Variants in FBN2 observed in about 807,000 individuals in gnomAD.
FBN2 encodes the protein fibrillin-2.
A neutral mutation model predicts 355.6 loss-of-function variants in FBN2; 105 were observed. The ratio of observed to expected loss-of-function variants is 0.30; its 90% CI spans 0.25 to 0.35. The LOEUF (loss-of-function observed/expected upper bound fraction) is 0.35. FBN2 is among the 10% of genes least tolerant of loss of function. The probability of loss-of-function intolerance (pLI) is 1.00; values close to 1 mark genes in which losing one functional copy is unlikely to be tolerated. For synonymous variants in FBN2, 1,350 were observed against 1,301.2 expected (o/e 1.04, Z -0.81); for missense variants, 3,280 against 3,758.7 (o/e 0.87, Z 3.33).
intron 7 of FBN2, among the ~76,000 whole-genome samples, chr5:128,411,535 G>A (rs909569855): frequency 3.3e-5 from 5 of 152,164 alleles, no homozygotes; most frequent in African/African-American, 1.2e-4. Context: ...CTCTCCAACC[G>A]TAGTCTCTGA....
intron 5 of FBN2, among the ~76,000 whole-genome samples, chr5:128,467,198 A>C (rs753548034): frequency 1.3e-5 from 2 of 152,148 alleles, no homozygotes; most frequent in Non-Finnish European, 2.9e-5. Context: ...GAGAAGGGGA[A>C]TATCTGGACA....
At chr5:128,392,330 G>C (rs932203462) in intron 10 of FBN2, among the ~76,000 whole-genome samples, 175 bp from the exon 11 acceptor site, 11 of 152,086 alleles carry the variant, frequency 7.2e-5, no homozygotes, top group African/African-American at 2.7e-4. Context: ...TGAGACACAT[G>C]GTTGCAACTT....
intron 6 of FBN2, among the ~76,000 whole-genome samples, chr5:128,454,808 T>A (rs1754340926): frequency 6.6e-6 from 1 of 152,174 alleles, no homozygotes; most frequent in Non-Finnish European, 1.5e-5. Flanking sequence ...AGGGCCTGTG[T>A]CAAATATGTG....
chr5:128,317,818 G>T (rs903487771), intron 36 of FBN2, among the ~76,000 whole-genome samples: 1 of 152,138 alleles, frequency 6.6e-6, no homozygotes, highest in Non-Finnish European at 1.5e-5. Context: ...AGGAGAAATA[G>T]ATATTCTAAC....
intron 16 of FBN2, among the ~76,000 whole-genome samples, chr5:128,368,052 G>A (rs1269723282): frequency 6.6e-6 from 1 of 151,472 alleles, no homozygotes; most frequent in East Asian, 1.9e-4. Flanking sequence ...CAAACTAAAC[G>A]TGCCCCTTCT....
intron 8 of FBN2, among the ~76,000 whole-genome samples, chr5:128,398,766 G>T (rs1752716146): frequency 6.6e-6 from 1 of 152,166 alleles, no homozygotes; most frequent in Admixed American, 6.5e-5. Flanking sequence ...TTGTGGGAGG[G>T]ACCTGGTGGG....
At chr5:128,300,342 A>G (rs1749678019) in intron 48 of FBN2, among the ~76,000 whole-genome samples, 1 of 152,222 alleles carries the variant, frequency 6.6e-6, no homozygotes, top group South Asian at 2.1e-4. Context: ...AAGGGTTTCA[A>G]CAGAAAAACA....
intron 44 of FBN2, 60 bp downstream of exon 44, chr5:128,305,451 G>T (rs1052275004): frequency 1.4e-5 from 22 of 1,593,016 alleles, no homozygotes; most frequent in Non-Finnish European, 1.8e-5. Flanking sequence ...AGTATTTTTT[G>T]ATAGGAAATC....
At chr5:128,270,863 G>GA (rs920890993) in intron 62 of FBN2, among the ~76,000 whole-genome samples, 1 of 151,708 alleles carries the variant, frequency 6.6e-6, no homozygotes, top group African/African-American at 2.4e-5. Context: ...CTATGAAGAG[G>GA]AAAAAAAAGT....
rs190292877 is a variant in FBN2 at position 128,261,811 on chromosome 5, G to A, written c.8289C>T (p.Tyr2763=). ...EENALSPEAC[Y]ECKINGYSKK... Reference sequence around the variant, plus strand: ...TAGAATAGCCGTTGATTTTGCACTCGTAGCATGCTTCTGGGGACAGAGCAT... The same window carrying A: ...TAGAATAGCCGTTGATTTTGCACTCATAGCATGCTTCTGGGGACAGAGCAT... Residue 2763 remains tyrosine, a synonymous_variant, in exon 64 of 65, where the codon TAC becomes TAT. Transcript: ENST00000262464. The A allele has an allele frequency of 4.6e-5, 75 of 1,614,120 alleles. No individual in the cohort carries two copies. The highest frequency in any genetic ancestry group is 3.3e-4 in the Middle Eastern group (2 of 6,060).
At chr5:128,394,320 T>C (rs1165156940) in intron 9 of FBN2, among the ~76,000 whole-genome samples, 1 of 152,212 alleles carries the variant, frequency 6.6e-6, no homozygotes, top group Admixed American at 6.5e-5. Context: ...CAAGAGGAAC[T>C]ACTTCTCATT....
At chr5:128,536,009 CT>C (rs1329560608) in intron 2 of FBN2, among the ~76,000 whole-genome samples, 1 of 152,052 alleles carries the variant, frequency 6.6e-6, no homozygotes. Context: ...AGGCCCAAAC[CT>C]CAAGCAGAGT....
At chr5:128,483,264 T>A (rs1281570703) in intron 5 of FBN2, among the ~76,000 whole-genome samples, 1 of 152,156 alleles carries the variant, frequency 6.6e-6, no homozygotes, top group Admixed American at 6.5e-5. Context: ...CATCTTGCAA[T>A]ATACCCTGGT....
At chr5:128,268,968 T>C (rs946918858) in intron 62 of FBN2, among the ~76,000 whole-genome samples, 3 of 152,124 alleles carry the variant, frequency 2.0e-5, no homozygotes, top group Non-Finnish European at 2.9e-5. Flanking sequence ...TGGTATAAGA[T>C]AAGAATGCCT....
chr5:128,323,995 A>G (rs1341441022), intron 34 of FBN2, among the ~76,000 whole-genome samples: 1 of 152,170 alleles, frequency 6.6e-6, no homozygotes, highest in African/African-American at 2.4e-5. Flanking sequence ...AAGGGATTCA[A>G]CTTCTTCCTG....
intron 62 of FBN2, among the ~76,000 whole-genome samples, chr5:128,266,646 A>G (rs1319340296): frequency 6.6e-6 from 1 of 152,150 alleles, no homozygotes. Context: ...TTGAAATTAA[A>G]TTGGCACTCC....
chr5:128,508,184 G>A (rs1396793322), intron 5 of FBN2, among the ~76,000 whole-genome samples: 1 of 151,678 alleles, frequency 6.6e-6, no homozygotes, highest in Non-Finnish European at 1.5e-5. Flanking sequence ...TTTCTTATAG[G>A]CAGCATATAA....
In FBN2 at chr5:128,477,828, T is replaced by C. The variant is rs1755046575; in HGVS notation, c.629-12907A>G. ...GTGCGAGGGGGCTGGGGGGAGTTTA[T>C]CCATGTTTGATCAATAGTGCTTGCA... On this transcript the variant is annotated intron_variant, in intron 5 of 64. Coordinates refer to ENST00000262464, the MANE Select transcript of FBN2 (RefSeq NM_001999.4). Among the ~76,000 whole-genome samples the C allele has an allele frequency of 2.0e-5, 3 of 152,234 alleles. No homozygotes were observed. In the South Asian group the frequency reaches 6.2e-4, roughly 31 times the overall value.
At chr5:128,529,626 A>C (rs1468034512) in intron 3 of FBN2, among the ~76,000 whole-genome samples, 1 of 152,240 alleles carries the variant, frequency 6.6e-6, no homozygotes, top group Non-Finnish European at 1.5e-5. Context: ...AAATTCCTCC[A>C]GCATTGTGTT....
Sources: allele counts gnomAD v4.1 joint callset (sites outside exome capture counted in the v4.1 genomes callset), GRCh38; gene constraint gnomAD v4.1.1; transcripts MANE v1.5; gene names NCBI Gene and HGNC (gene_info 2026-07-23, HGNC 2026-07-21).